SERAC1: variants seen among roughly 807,000 people sequenced by gnomAD.
SERAC1 encodes the protein serine active site containing 1.
A neutral mutation model predicts 85.7 loss-of-function variants in SERAC1; 36 were observed. The ratio of observed to expected loss-of-function variants is 0.42; its 90% CI spans 0.32 to 0.55. The LOEUF (loss-of-function observed/expected upper bound fraction) is 0.55. Ranked by LOEUF, SERAC1 falls within the 20% of genes least tolerant of loss-of-function variation. SERAC1 has a pLI of 0.11. For missense variants in SERAC1, 629 were observed against 796.2 expected, an observed-to-expected ratio of 0.79 and a Z score of 2.53; for synonymous variants, 242 against 265.3, an observed-to-expected ratio of 0.91 and a Z score of 0.85.
intron 10 of SERAC1, among the ~76,000 whole-genome samples, chr6:158,126,065 C>T (rs1418667598): frequency 2.0e-5 from 3 of 152,128 alleles, no homozygotes; most frequent in African/African-American, 7.2e-5. Flanking sequence ...GTATATCTTC[C>T]ATCCCACAAC....
chr6:158,119,136 C>A lies in SERAC1; in HGVS notation c.1201G>T (p.Gly401Cys). 6.2e-7 allele frequency: 1 copy of A among 1,613,034 alleles called. No individual in the cohort carries two copies. Among genetic ancestry groups the A allele is most frequent in the East Asian group, 2.2e-5 (1 of 44,812 alleles). Residue 401 changes from glycine (G) to cysteine (C), a missense_variant, in exon 12 of 17, where the codon GGC (glycine) becomes TGC (cysteine). By Grantham distance (159) the Gly-to-Cys change is radical. Transcript: ENST00000647468. The surrounding 1 kb of genome is among the most constrained non-coding windows in gnomAD (Gnocchi z 4.5). ...PIKADVLFIH[G>C]LMGAAFKTWR... ...GTTTTGAATGCTGCTCCCATAAGGC[C>A]ATGAATAAAAAGGACATCTGCTTTA...
At chr6:158,131,740 G>A (rs1784681954) in intron 8 of SERAC1, among the ~76,000 whole-genome samples, 2 of 152,060 alleles carry the variant, frequency 1.3e-5, no homozygotes, top group Admixed American at 1.3e-4. Context: ...ATCCTACAGA[G>A]ATGCTCACAC....
chr6:158,141,319 G>C (rs1022097166), intron 8 of SERAC1, among the ~76,000 whole-genome samples: 5 of 152,144 alleles, frequency 3.3e-5, no homozygotes, highest in African/African-American at 1.2e-4. Context: ...TGGTTACAGG[G>C]TTTCTTTGGG....
chr6:158,154,581 C>T (rs965121520), intron 3 of SERAC1, among the ~76,000 whole-genome samples: 3 of 151,828 alleles, frequency 2.0e-5, no homozygotes, highest in African/African-American at 7.3e-5. Flanking sequence ...TATTCCTCCC[C>T]CTAAAAAAAA....
chr6:158,141,388 T>C (rs1182932406), intron 8 of SERAC1, among the ~76,000 whole-genome samples: 1 of 152,242 alleles, frequency 6.6e-6, no homozygotes, highest in Non-Finnish European at 1.5e-5. Context: ...TCTATGAGTA[T>C]ATTAAAACCC....
chr6:158,133,418 C>G (rs1434232859), intron 8 of SERAC1, among the ~76,000 whole-genome samples: 1 of 115,662 alleles, frequency 8.6e-6, no homozygotes. Context: ...TGGAGTCTCT[C>G]TCTGTCGCCC....
intron 10 of SERAC1, among the ~76,000 whole-genome samples, chr6:158,123,908 C>T (rs1200690097): frequency 5.1e-4 from 78 of 152,088 alleles, no homozygotes; most frequent in Admixed American, 5.1e-3. Context: ...GGGGTAGATG[C>T]AAAAACAAGC....
At chr6:158,146,742 C>T in intron 6 of SERAC1, 40 bp downstream of exon 6, 1 of 1,608,624 alleles carries the variant, frequency 6.2e-7, no homozygotes, top group Middle Eastern at 1.7e-4. Flanking sequence ...CAATCAAGAG[C>T]CAGCTGAAGG....
intron 8 of SERAC1, among the ~76,000 whole-genome samples, chr6:158,132,923 A>C (rs1221568528): frequency 6.6e-6 from 1 of 152,250 alleles, no homozygotes; most frequent in African/African-American, 2.4e-5. Context: ...CAAACATCAA[A>C]TTCTATGAGT....
chr6:158,115,986 C>T (rs533836224), intron 14 of SERAC1, among the ~76,000 whole-genome samples, 199 bp downstream of exon 14: 1 of 152,270 alleles, frequency 6.6e-6, no homozygotes, highest in Non-Finnish European at 1.5e-5. Flanking sequence ...AACAGGTTGC[C>T]CTTTTCTAGA....
intron 2 of SERAC1, among the ~76,000 whole-genome samples, chr6:158,157,021 G>C (rs2128424541): frequency 6.8e-6 from 1 of 146,312 alleles, no homozygotes; most frequent in African/African-American, 2.5e-5. Context: ...TGTATAGACA[G>C]AGTTTCATTC....
chr6:158,121,046 G>C (rs951357765), intron 10 of SERAC1, among the ~76,000 whole-genome samples: 1 of 152,100 alleles, frequency 6.6e-6, no homozygotes, highest in African/African-American at 2.4e-5. Flanking sequence ...AACTCTTGTA[G>C]AATCTGGAGA....
chr6:158,165,020 C>A (rs1427745530), intron 1 of SERAC1, among the ~76,000 whole-genome samples: 4 of 152,202 alleles, frequency 2.6e-5, no homozygotes, highest in Non-Finnish European at 5.9e-5. Context: ...ATAGAAGAAT[C>A]CGAGTCCCTG....
intron 10 of SERAC1, among the ~76,000 whole-genome samples, chr6:158,121,158 A>ACTT (rs1313428164): frequency 2.0e-5 from 3 of 152,084 alleles, no homozygotes; most frequent in African/African-American, 7.2e-5. Context: ...TGTTTTTAAA[A>ACTT]CTTTATATAC....
At chr6:158,138,421 G>C (rs1784843772) in intron 8 of SERAC1, among the ~76,000 whole-genome samples, 1 of 126,456 alleles carries the variant, frequency 7.9e-6, no homozygotes, top group Non-Finnish European at 1.6e-5. Flanking sequence ...GGTGACAAGA[G>C]GGAGACTCTG....
chr6:158,129,885 G>C (rs1208255132), intron 9 of SERAC1, among the ~76,000 whole-genome samples: 1 of 151,864 alleles, frequency 6.6e-6, no homozygotes, highest in African/African-American at 2.4e-5. Flanking sequence ...TAGTAGAGAC[G>C]GAGTTTCACC....
At chr6:158,164,383 G>A (rs1008372554) in intron 1 of SERAC1, among the ~76,000 whole-genome samples, 4 of 152,068 alleles carry the variant, frequency 2.6e-5, no homozygotes, top group African/African-American at 4.8e-5. Context: ...GCTGAGGCAG[G>A]AGAATGGCGT....
At chr6:158,156,870 A>AT in intron 2 of SERAC1, among the ~76,000 whole-genome samples, 1 of 95,568 alleles carries the variant, frequency 1.0e-5, no homozygotes, top group Admixed American at 1.3e-4. Context: ...ATATTAATAT[A>AT]TTTATATAGA....
intron 7 of SERAC1, 52 bp from the exon 8 acceptor site, chr6:158,143,236 A>T: frequency 6.3e-7 from 1 of 1,589,076 alleles, no homozygotes; most frequent in Non-Finnish European, 8.5e-7. Flanking sequence ...ACTGAGTACA[A>T]CAAAAAATAT....
Sources: allele counts gnomAD v4.1 joint callset (sites outside exome capture counted in the v4.1 genomes callset), GRCh38; gene constraint gnomAD v4.1.1; non-coding constraint Gnocchi (gnomAD v3.1); transcripts MANE v1.5; gene names NCBI Gene and HGNC (gene_info 2026-07-23, HGNC 2026-07-21).